Variants in KDM4C observed in about 807,000 individuals in gnomAD.
The protein encoded by KDM4C is lysine-specific demethylase 4C.
Under a neutral mutation model 129.3 loss-of-function variants are expected in KDM4C, and 81 were observed. The ratio of observed to expected loss-of-function variants is 0.63; its 90% CI spans 0.52 to 0.75. The LOEUF (loss-of-function observed/expected upper bound fraction) is 0.75. Among genes scored for constraint, KDM4C ranks in the 30% least tolerant of loss-of-function variants. The pLI is 0.00. For missense variants in KDM4C, 1,457 were observed against 1,304.0 expected (o/e 1.12, Z -1.81); for synonymous variants, 573 against 456.1 (o/e 1.26, Z -3.26).
intron 17 of KDM4C, among the ~76,000 whole-genome samples, chr9:7,100,010 C>T (rs909600190): frequency 5.3e-5 from 8 of 152,094 alleles, no homozygotes; most frequent in South Asian, 2.1e-4. Context: ...ACTTCCCTCT[C>T]TAGCCTTGAC....
intron 12 of KDM4C, among the ~76,000 whole-genome samples, chr9:7,011,103 G>T (rs1563978304): frequency 6.6e-6 from 1 of 152,170 alleles, no homozygotes; most frequent in East Asian, 1.9e-4. Flanking sequence ...CTCTCTAGGG[G>T]TATTTTATGA....
At chr9:7,036,678 G>C (rs1476022027) in intron 15 of KDM4C, among the ~76,000 whole-genome samples, 1 of 152,110 alleles carries the variant, frequency 6.6e-6, no homozygotes, top group East Asian at 1.9e-4. Flanking sequence ...AAAAAATACT[G>C]AATGAAAATT....
At chr9:7,040,457 T>C (rs1828404792) in intron 15 of KDM4C, among the ~76,000 whole-genome samples, 1 of 151,574 alleles carries the variant, frequency 6.6e-6, no homozygotes, top group South Asian at 2.1e-4. Context: ...AAAATGATTT[T>C]ATATTTACCC....
intron 17 of KDM4C, chr9:7,076,294 G>A: frequency 1.7e-6 from 1 of 592,218 alleles, no homozygotes; most frequent in South Asian, 2.4e-5. Context: ...ATGGTAAACA[G>A]TTTATTCAAG....
At chr9:6,983,524 C>T (rs968883410) in intron 9 of KDM4C, among the ~76,000 whole-genome samples, 4 of 150,240 alleles carry the variant, frequency 2.7e-5, no homozygotes, top group Non-Finnish European at 3.0e-5. Context: ...TCACTTGAGG[C>T]CAGGAGTTCT....
chr9:6,738,060 G>C (rs1014546778), intron 1 of KDM4C, among the ~76,000 whole-genome samples: 1 of 151,756 alleles, frequency 6.6e-6, no homozygotes, highest in African/African-American at 2.4e-5. Context: ...CTTGAACCCG[G>C]GAGGCAGAGG....
chr9:7,006,589 A>G (rs1821716482), intron 12 of KDM4C, among the ~76,000 whole-genome samples: 1 of 152,096 alleles, frequency 6.6e-6, no homozygotes. Context: ...CAGGCTGTGA[A>G]TGGCTAATTA....
At chr9:6,948,280 C>T (rs1827332567) in intron 8 of KDM4C, 1 of 152,180 alleles carries the variant, frequency 6.6e-6, no homozygotes, top group South Asian at 2.1e-4. Context: ...AATCATCCTG[C>T]CATTCCTTTG....
At position 6,939,968 on chromosome 9, in the gene KDM4C, A is replaced by ACCTT. The variant is rs1825564706; in HGVS notation, c.922-40954_922-40953insTCCT. ...TTTAAATCCAATAACCAACCTACCT[A>ACCTT]CCTACCTACCTTCCTTCCTTCCTTC... On this transcript the variant is annotated intron_variant, in intron 8 of 21. Transcript: ENST00000381309. Among the ~76,000 whole-genome samples, 9 of 122,502 alleles carry ACCTT rather than the reference A, an allele frequency of 7.3e-5. No individual in the cohort carries two copies. In the South Asian group the frequency reaches 1.1e-3, roughly 15 times the overall value. The allele number at this position is 122,502 out of a possible 152,430, so 80.4% of individuals were successfully genotyped here.
chr9:6,796,183 G>T (rs1377674548), intron 2 of KDM4C, among the ~76,000 whole-genome samples: 1 of 152,118 alleles, frequency 6.6e-6, no homozygotes, highest in Non-Finnish European at 1.5e-5. Flanking sequence ...TGGGGCTCAC[G>T]CCTGCAATCC....
At chr9:7,026,359 G>A (rs571458342) in intron 15 of KDM4C, among the ~76,000 whole-genome samples, 1 of 152,002 alleles carries the variant, frequency 6.6e-6, no homozygotes, top group Non-Finnish European at 1.5e-5. Flanking sequence ...TACTATTTTA[G>A]GGTAAATGTT....
chr9:7,160,153 G>A (rs945827098), intron 19 of KDM4C, among the ~76,000 whole-genome samples: 2 of 152,176 alleles, frequency 1.3e-5, no homozygotes, highest in South Asian at 2.1e-4. Context: ...GCGTCACAAA[G>A]TTCTCGTGCC....
rs116887727 is a variant in KDM4C, at chr9:6,943,558, C to G, written c.922-37367C>G. Reference sequence around the variant, plus strand: ...AGCATGGTGGCGTGTGCCTCTGGTCCTGGCTACTTGGGAGGCTGAGGTGGG... The same window carrying G: ...AGCATGGTGGCGTGTGCCTCTGGTCGTGGCTACTTGGGAGGCTGAGGTGGG... On this transcript the variant is annotated intron_variant, in intron 8 of 21. Coordinates refer to ENST00000381309, the MANE Select transcript of KDM4C (RefSeq NM_015061.6). Among the ~76,000 whole-genome samples the G allele has an allele frequency of 9.6e-4, 146 of 152,086 alleles. 4 individuals are homozygous for G. In the East Asian group the frequency reaches 0.027, roughly 28 times the overall value.
At chr9:6,770,024 C>T (rs1271421434) in intron 1 of KDM4C, among the ~76,000 whole-genome samples, 5 of 151,902 alleles carry the variant, frequency 3.3e-5, no homozygotes, top group Admixed American at 1.3e-4. Context: ...GCTAGTAATA[C>T]AAAAATTAGC....
At chr9:7,041,029 T>A (rs1323843729) in intron 15 of KDM4C, among the ~76,000 whole-genome samples, 5 of 151,892 alleles carry the variant, frequency 3.3e-5, no homozygotes, top group Non-Finnish European at 7.4e-5. Flanking sequence ...TGAGTAGTTT[T>A]TTTTTTTCCC....
intron 19 of KDM4C, among the ~76,000 whole-genome samples, chr9:7,148,726 C>T (rs945627668): frequency 5.9e-5 from 9 of 152,146 alleles, no homozygotes; most frequent in East Asian, 3.9e-4. Context: ...ATTGGATGAC[C>T]GAACACCTCT....
At chr9:6,868,964 A>G (rs1043230390) in intron 5 of KDM4C, among the ~76,000 whole-genome samples, 1 of 152,268 alleles carries the variant, frequency 6.6e-6, no homozygotes, top group East Asian at 1.9e-4. Context: ...AAAATATATT[A>G]TTTCTTGAAA....
At chr9:6,955,455 A>G (rs1236546616) in intron 8 of KDM4C, among the ~76,000 whole-genome samples, 5 of 152,180 alleles carry the variant, frequency 3.3e-5, no homozygotes, top group African/African-American at 9.7e-5. Flanking sequence ...AGCTGAGTAT[A>G]GAGGCCCCTT....
intron 19 of KDM4C, among the ~76,000 whole-genome samples, chr9:7,160,387 G>A (rs886064568): frequency 6.6e-6 from 1 of 152,210 alleles, no homozygotes; most frequent in South Asian, 2.1e-4. Context: ...GCGAGGAGCT[G>A]TGATCCTTTG....
Sources: allele counts gnomAD v4.1 joint callset (sites outside exome capture counted in the v4.1 genomes callset), GRCh38; gene constraint gnomAD v4.1.1; transcripts MANE v1.5; gene names NCBI Gene and HGNC (gene_info 2026-07-23, HGNC 2026-07-21).